The following HDAC9 variants were observed in gnomAD, a reference collection of about 807,000 sequenced individuals.
HDAC9 encodes histone deacetylase 9.
A neutral mutation model predicts 139.4 loss-of-function variants in HDAC9; 41 were observed. That is an observed-to-expected ratio of 0.29 (90% CI 0.23 to 0.38). HDAC9 has a LOEUF of 0.38. Among genes scored for constraint, HDAC9 ranks in the 10% least tolerant of loss-of-function variants. The pLI, the probability that HDAC9 is intolerant of heterozygous loss-of-function variation, is 1.00. For synonymous variants in HDAC9, 517 were observed against 476.2 expected (o/e 1.09, Z -1.12); for missense variants, 1,147 against 1,297.0 (o/e 0.88, Z 1.78).
chr7:18,504,527 A>G (rs1379970398), intron 2 of HDAC9, among the ~76,000 whole-genome samples: 1 of 152,066 alleles, frequency 6.6e-6, no homozygotes, highest in Non-Finnish European at 1.5e-5. Flanking sequence ...CTGGTCTCGA[A>G]CTCCTGACCT....
chr7:18,248,911 G>A (rs941704021), intron 2 of HDAC9, among the ~76,000 whole-genome samples: 1 of 152,124 alleles, frequency 6.6e-6, no homozygotes, highest in African/African-American at 2.4e-5. Context: ...TCATTATCCT[G>A]CAACAATTGA....
chr7:18,198,854 A>C (rs1255120210), intron 2 of HDAC9, among the ~76,000 whole-genome samples: 1 of 152,224 alleles, frequency 6.6e-6, no homozygotes, highest in Non-Finnish European at 1.5e-5. Context: ...GACTACTAGC[A>C]CTAACAACCA....
intron 2 of HDAC9, among the ~76,000 whole-genome samples, chr7:18,577,699 A>C (rs1253059164): frequency 6.6e-6 from 1 of 151,950 alleles, no homozygotes; most frequent in African/African-American, 2.4e-5. Context: ...TTGTTGAATT[A>C]AGTTGATAAA....
intron 2 of HDAC9, among the ~76,000 whole-genome samples, chr7:18,269,502 T>A (rs933461049): frequency 3.9e-5 from 6 of 152,136 alleles, no homozygotes; most frequent in Admixed American, 1.3e-4. Flanking sequence ...AAAGAAGACC[T>A]TCACCACTCA....
intron 6 of HDAC9, among the ~76,000 whole-genome samples, chr7:18,620,827 G>A (rs547570685): frequency 1.3e-5 from 2 of 152,132 alleles, no homozygotes; most frequent in Non-Finnish European, 2.9e-5. Flanking sequence ...TCTTTCCCAT[G>A]TATGACCATT....
intron 2 of HDAC9, among the ~76,000 whole-genome samples, chr7:18,215,576 G>A (rs533851923): frequency 6.6e-6 from 1 of 152,278 alleles, no homozygotes; most frequent in South Asian, 2.1e-4. Flanking sequence ...TGGCAGTGTT[G>A]AGGATCTGCA....
intron 2 of HDAC9, among the ~76,000 whole-genome samples, chr7:18,582,520 A>AT (rs372889538): frequency 2.0e-5 from 3 of 151,878 alleles, no homozygotes; most frequent in Non-Finnish European, 2.9e-5. Context: ...ATATATATAT[A>AT]TTTTTTAAAT....
At chr7:18,486,295 C>T (rs1795969571) in intron 1 of HDAC9, among the ~76,000 whole-genome samples, 1 of 152,090 alleles carries the variant, frequency 6.6e-6, no homozygotes, top group African/African-American at 2.4e-5. Flanking sequence ...CCATTATTCT[C>T]ATGAATCAAA....
rs780627189 is a variant in HDAC9 at position 18,318,707 on chromosome 7, G to T, written c.-42+28192G>T. Among the ~76,000 whole-genome samples, 6 of 152,290 alleles carry T rather than the reference G, an allele frequency of 3.9e-5. No homozygotes were observed. The South Asian group carries it at 6.2e-4, about 16-fold the overall frequency. ...AAGGCAGTAAACTATTACAGAGAAGGTCTGTGCTTTGGCTTCAAAGAGACC... is the reference window on the plus strand; with the variant it reads ...AAGGCAGTAAACTATTACAGAGAAGTTCTGTGCTTTGGCTTCAAAGAGACC... On this transcript the variant is annotated intron_variant, in intron 1 of 3. Coordinates refer to the HDAC9 transcript ENST00000413509.
chr7:18,563,695 T>G (rs1027851445), intron 2 of HDAC9, among the ~76,000 whole-genome samples: 31 of 151,952 alleles, frequency 2.0e-4, no homozygotes, highest in African/African-American at 7.0e-4. Context: ...TGGTATGTTT[T>G]CTTGCCATCA....
chr7:18,773,234 T>C (rs1325521752), intron 16 of HDAC9, among the ~76,000 whole-genome samples: 1 of 151,978 alleles, frequency 6.6e-6, no homozygotes, highest in East Asian at 1.9e-4. Flanking sequence ...AAAGTAAACA[T>C]GAATATCACA....
chr7:18,624,257 G>A (rs1473060776), intron 6 of HDAC9, among the ~76,000 whole-genome samples: 1 of 152,136 alleles, frequency 6.6e-6, no homozygotes, highest in Non-Finnish European at 1.5e-5. Flanking sequence ...GTATGAGAAT[G>A]AAGATTTGAA....
At chr7:18,701,684 G>A (rs1331017919) in intron 12 of HDAC9, among the ~76,000 whole-genome samples, 1 of 152,144 alleles carries the variant, frequency 6.6e-6, no homozygotes, top group Non-Finnish European at 1.5e-5. Flanking sequence ...ATAATTAGTA[G>A]ATAAAATCAT....
chr7:18,677,125 A>G (rs2129087531), intron 12 of HDAC9, among the ~76,000 whole-genome samples: 1 of 152,046 alleles, frequency 6.6e-6, no homozygotes, highest in Non-Finnish European at 1.5e-5. Flanking sequence ...CTTTATACTC[A>G]GACTCACATC....
rs966464006 is a variant in HDAC9 at position 18,917,304 on chromosome 7, G to A, written c.2804-18505G>A. ...ATTGAAGCATCCCTCTGGACCTCTGGATATGAATTTGAAAAAAAACTGGGA... is the reference window on the plus strand; with the variant it reads ...ATTGAAGCATCCCTCTGGACCTCTGAATATGAATTTGAAAAAAAACTGGGA... On this transcript the variant is annotated intron_variant, in intron 22 of 25. Coordinates refer to ENST00000686413, the MANE Select transcript of HDAC9 (RefSeq NM_178425.4). Among the ~76,000 whole-genome samples the A allele has an allele frequency of 2.0e-5, 3 of 151,910 alleles. No homozygotes were observed. The East Asian group carries it at 5.9e-4, about 30-fold the overall frequency.
At chr7:18,311,279 A>G (rs143414438) in intron 1 of HDAC9, among the ~76,000 whole-genome samples, 21 of 152,146 alleles carry the variant, frequency 1.4e-4, no homozygotes, top group East Asian at 3.9e-4. Context: ...ATAACCCCCA[A>G]TGAAAAAATT....
intron 7 of HDAC9, among the ~76,000 whole-genome samples, chr7:18,631,226 T>G (rs1345445897): frequency 6.6e-6 from 1 of 152,150 alleles, no homozygotes; most frequent in African/African-American, 2.4e-5. Flanking sequence ...ATTTCTCTTC[T>G]TAATTTCGTG....
chr7:18,111,903 A>C (rs1783645011), intron 1 of HDAC9, among the ~76,000 whole-genome samples: 1 of 152,190 alleles, frequency 6.6e-6, no homozygotes, highest in African/African-American at 2.4e-5. Context: ...TGTATGTACA[A>C]GCTGTATTTC....
chr7:18,323,149 C>A (rs768755647), intron 1 of HDAC9, among the ~76,000 whole-genome samples: 15 of 152,178 alleles, frequency 9.9e-5, no homozygotes, highest in Non-Finnish European at 1.3e-4. Context: ...TCTAGATGCT[C>A]AGGCCCATAA....
Sources: gnomAD v4.1 joint callset for allele counts (sites outside exome capture counted in the v4.1 genomes callset) on GRCh38, gnomAD v4.1.1 for gene constraint, MANE v1.5 for transcripts, NCBI Gene and HGNC (gene_info 2026-07-23, HGNC 2026-07-21) for gene names.